CCDC122: variants seen among roughly 807,000 people sequenced by gnomAD.
CCDC122 encodes coiled-coil domain-containing protein 122.
CCDC122 carries 38 observed loss-of-function variants against 37.0 expected under a neutral mutation model. The observed-to-expected ratio is 1.03, with a 90% confidence interval of 0.79 to 1.35. The LOEUF is 1.35. CCDC122 is among the 40% of genes most tolerant of loss of function. The pLI, the probability that CCDC122 is intolerant of heterozygous loss-of-function variation, is 0.00. For missense variants in CCDC122, 305 were observed against 310.0 expected, an observed-to-expected ratio of 0.98 and a Z score of 0.12; for synonymous variants, 83 against 95.6, an observed-to-expected ratio of 0.87 and a Z score of 0.77.
chr13:43,837,088 C>G lies in CCDC122; in HGVS notation c.*192G>C. The G allele has an allele frequency of 3.6e-6, 2 of 558,046 alleles. No individual in the cohort carries two copies. The highest frequency in any genetic ancestry group is 6.3e-6 in the Non-Finnish European group (2 of 316,846). 34.6% of individuals were successfully genotyped at this position (558,046 alleles called of 1,614,324 possible). ...ATTCCTATTGTCTGTCTACTGCTAT[C>G]AAGTGTAGGGTTAGAAGGCATTTTA... On this transcript the variant is annotated 3_prime_UTR_variant, in exon 7 of 7. Transcript: ENST00000444614.
Position 43,869,497 on chromosome 13 carries a change from G to T in CCDC122, c.-113-8C>A, listed in dbSNP as rs572765391. 42 of 701,844 alleles carry T rather than the reference G, an allele frequency of 6.0e-5. 1 individual carries two copies. In the African/African-American group the frequency reaches 7.4e-4, roughly 12 times the overall value. The allele number at this position is 701,844 out of a possible 1,614,324, so 43.5% of individuals were successfully genotyped here. A position where few individuals can be genotyped will look rare whatever the true frequency, so the allele number is the denominator to read the frequency against. On this transcript the variant is annotated splice_region_variant and splice_polypyrimidine_tract_variant and intron_variant, in intron 2 of 6. Transcript: ENST00000444614. ...TGTTGTATATTGGTGATCCTGAAAG[G>T]TAAATTAATTGTCAAACATGTCACA...
At chr13:43,870,463 T>C (rs749508408) in intron 2 of CCDC122, among the ~76,000 whole-genome samples, 15 of 152,172 alleles carry the variant, frequency 9.9e-5, no homozygotes, top group South Asian at 2.1e-4. Context: ...TCCTTTAATA[T>C]ATCTACCTTG....
At chr13:43,868,655 G>T in intron 4 of CCDC122, 39 bp downstream of exon 4, 1 of 1,051,310 alleles carries the variant, frequency 9.5e-7, no homozygotes, top group Non-Finnish European at 1.4e-6. Context: ...TACTTTTGAA[G>T]AAAGTAAAGA....
chr13:43,838,856 T>C (rs1270779819), intron 6 of CCDC122, among the ~76,000 whole-genome samples: 1 of 152,228 alleles, frequency 6.6e-6, no homozygotes, highest in East Asian at 1.9e-4. Context: ...GAAATCATGC[T>C]AGCGCATACA....
downstream of CCDC122, among the ~76,000 whole-genome samples, chr13:43,820,884 C>T (rs367693569): frequency 1.1e-3 from 163 of 152,256 alleles, 3 homozygotes; most frequent in South Asian, 0.032. Flanking sequence ...GAAGGGTATG[C>T]GTTCTTTTAA....
At chr13:43,868,146 T>A (rs1429020993) in intron 4 of CCDC122, among the ~76,000 whole-genome samples, 2 of 152,192 alleles carry the variant, frequency 1.3e-5, no homozygotes, top group Admixed American at 6.5e-5. Flanking sequence ...ATATATTTAA[T>A]AACAATCGTT....
At chr13:43,845,135 T>C (rs1245310986) in intron 6 of CCDC122, among the ~76,000 whole-genome samples, 3 of 152,200 alleles carry the variant, frequency 2.0e-5, no homozygotes, top group Non-Finnish European at 4.4e-5. Context: ...CTTATATCTT[T>C]ATGTATTTTT....
intron 6 of CCDC122, among the ~76,000 whole-genome samples, chr13:43,857,391 A>G (rs553054258): frequency 3.0e-4 from 45 of 151,644 alleles, no homozygotes; most frequent in South Asian, 6.2e-4. Context: ...TTTTAAAATA[A>G]ATGCTTTTCT....
rs56901535 is a variant in CCDC122, at chr13:43,828,555, T to TACACAC, written n.602-4550_602-4545dup. 1.1e-3 allele frequency among the ~76,000 whole-genome samples: 158 copies of TACACAC among 146,242 alleles called. 1 individual carries two copies. Among genetic ancestry groups the TACACAC allele is most frequent in the South Asian group, 5.6e-3 (25 of 4,458 alleles). ...TATTTGAGCCTATTTTATAGACAGA[T>TACACAC]ACACACACACACACACACACACACA... On this transcript the variant is annotated intron_variant and non_coding_transcript_variant, in intron 3 of 3. Transcript: ENST00000470137.
At chr13:43,877,411 A>C (rs2138193310) in intron 1 of CCDC122, among the ~76,000 whole-genome samples, 1 of 152,350 alleles carries the variant, frequency 6.6e-6, no homozygotes, top group South Asian at 2.1e-4. Flanking sequence ...TTATAAAAAA[A>C]GCCTTTTTTA....
intron 2 of CCDC122, among the ~76,000 whole-genome samples, chr13:43,874,255 C>T (rs1037093567): frequency 9.2e-5 from 14 of 152,036 alleles, no homozygotes; most frequent in African/African-American, 2.9e-4. Flanking sequence ...AAAATGGGAA[C>T]AATATTAGTG....
chr13:43,875,324 T>G (rs1954574772), intron 1 of CCDC122, among the ~76,000 whole-genome samples: 1 of 152,194 alleles, frequency 6.6e-6, no homozygotes, highest in Non-Finnish European at 1.5e-5. Flanking sequence ...AGGAACTTTA[T>G]AGTGGGTTAA....
chr13:43,823,430 C>T (rs1953010649), downstream of CCDC122, among the ~76,000 whole-genome samples: 1 of 152,190 alleles, frequency 6.6e-6, no homozygotes, highest in Non-Finnish European at 1.5e-5. Context: ...TGTGCGAGCA[C>T]TCCCTTGGCC....
chr13:43,856,696 G>C (rs1412272224), intron 6 of CCDC122: 1 of 152,110 alleles, frequency 6.6e-6, no homozygotes, highest in East Asian at 1.9e-4. Context: ...CTTTGTTGCA[G>C]GATATCTGAC....
downstream of CCDC122, among the ~76,000 whole-genome samples, chr13:43,834,602 C>A (rs889409234): frequency 7.2e-5 from 11 of 152,030 alleles, no homozygotes; most frequent in African/African-American, 2.2e-4. Flanking sequence ...TGAACCCCAA[C>A]AAATTTATAA....
intron 6 of CCDC122, among the ~76,000 whole-genome samples, chr13:43,852,999 GAAAGGAA>G (rs1160878438): frequency 6.6e-6 from 1 of 152,076 alleles, no homozygotes; most frequent in Non-Finnish European, 1.5e-5. Flanking sequence ...ACTAAATATG[GAAAGGAA>G]ACACCAGAGT....
At chr13:43,874,991 G>C (rs1485079101) in intron 1 of CCDC122, 64 bp from the exon 2 acceptor site, 1 of 152,136 alleles carries the variant, frequency 6.6e-6, no homozygotes, top group Non-Finnish European at 1.5e-5. Flanking sequence ...GATAATAATA[G>C]GCAACATTCA....
rs190276300 is a variant in CCDC122 at position 43,840,215 on chromosome 13, G to A, written c.673-2786C>T. Among the ~76,000 whole-genome samples, 243 of 152,156 alleles carry A rather than the reference G, an allele frequency of 1.6e-3. 2 individuals are homozygous for A. Among genetic ancestry groups the A allele is most frequent in the African/African-American group, 5.5e-3 (228 of 41,504 alleles). ...GTTCTTCCCAGGCCATATTTTGTTC[G>A]CTTTAACACCATGCTTGTGGAAGTG... is the stretch of plus-strand genomic sequence containing the variant. On this transcript the variant is annotated intron_variant, in intron 6 of 6. Coordinates refer to ENST00000444614, the MANE Select transcript of CCDC122 (RefSeq NM_144974.5).
At chr13:43,875,355 C>T (rs1954575577) in intron 1 of CCDC122, among the ~76,000 whole-genome samples, 1 of 152,124 alleles carries the variant, frequency 6.6e-6, no homozygotes, top group African/African-American at 2.4e-5. Context: ...CCCGCACATC[C>T]AAAGATATAT....
Sources: allele counts gnomAD v4.1 joint callset (sites outside exome capture counted in the v4.1 genomes callset), GRCh38; gene constraint gnomAD v4.1.1; transcripts MANE v1.5; gene names NCBI Gene and HGNC (gene_info 2026-07-23, HGNC 2026-07-21).